PCDHGA5: variants seen among roughly 807,000 people sequenced by gnomAD.
The protein encoded by PCDHGA5 is protocadherin gamma subfamily A, 5, also known as protocadherin gamma-A5.
In PCDHGA5, 36 loss-of-function variants were observed where a neutral mutation model predicts 56.7. That is an observed-to-expected ratio of 0.64 (90% CI 0.49 to 0.84). PCDHGA5 has a LOEUF of 0.84. Among genes scored for constraint, PCDHGA5 ranks in the 40% least tolerant of loss-of-function variants. The pLI is 0.00. For missense variants in PCDHGA5, 1,305 were observed against 1,201.5 expected, an observed-to-expected ratio of 1.09 and a Z score of -1.27; for synonymous variants, 563 against 520.2, an observed-to-expected ratio of 1.08 and a Z score of -1.12.
Position 141,365,783 on chromosome 5 carries a change from G to T in PCDHGA5, c.1453G>T (p.Ala485Ser), listed in dbSNP as rs906678928. 8 of 1,613,842 alleles carry T rather than the reference G, an allele frequency of 5.0e-6. No individual in the cohort carries two copies. Among genetic ancestry groups the T allele is most frequent in the Non-Finnish European group, 6.8e-6 (8 of 1,179,874 alleles). Residue 485 changes from alanine to serine, a missense_variant, in exon 1 of 4, where the codon GCT (alanine) becomes TCT (serine). By Grantham distance (99) the Ala-to-Ser change is moderately conservative (BLOSUM62 1). Transcript: ENST00000518069. ...CCATGACCCCGACAGCGGCGACAAC[G>T]CTCGAGTCACCTACTCCCTGGCTGA... The part of the protein sequence containing the change: ...TAHDPDSGDN[A>S]RVTYSLAEDT...
intron 3 of PCDHGA5, among the ~76,000 whole-genome samples, chr5:141,507,590 T>C (rs531629336): frequency 1.3e-5 from 2 of 152,374 alleles, no homozygotes; most frequent in African/African-American, 4.8e-5. Context: ...AGTTGGCCTC[T>C]TGAGGGAAAT....
chr5:141,399,546 G>T, intron 1 of PCDHGA5: 1 of 1,614,032 alleles, frequency 6.2e-7, no homozygotes. Flanking sequence ...TCTGCGCCTC[G>T]GACCTGGACT....
intron 1 of PCDHGA5, chr5:141,430,441 C>A (rs1168234012): frequency 5.2e-6 from 1 of 192,346 alleles, no homozygotes; most frequent in Non-Finnish European, 1.0e-5. Flanking sequence ...GATTTCCATC[C>A]CCTTTTGAAG....
chr5:141,415,048 G>C lies in PCDHGA5; in HGVS notation c.2421+48297G>C, dbSNP rs535976406. The C allele has an allele frequency of 5.0e-5, 80 of 1,613,320 alleles. 1 individual carries two copies. The Admixed American group carries it at 6.0e-4, about 12-fold the overall frequency. ...CGAGCCGGGACTCTTCGCGGTGGGG[G>C]AGCACACGGGCGAGGTGCGCACGGC... is the stretch of plus-strand genomic sequence containing the variant. On this transcript the variant is annotated intron_variant, in intron 1 of 3. Transcript: ENST00000518069.
At position 141,409,469 on chromosome 5, in the gene PCDHGA5, G is replaced by A. The variant is rs1477896340; in HGVS notation, c.2421+42718G>A. On this transcript the variant is annotated intron_variant, in intron 1 of 3. Coordinates refer to ENST00000518069, the MANE Select transcript of PCDHGA5 (RefSeq NM_018918.3). ...GACACCAGAATACAATGTCACCATC[G>A]TAGCCACTGACAGGGGCAAGCCGCC... 9 of 1,613,740 alleles carry A rather than the reference G, an allele frequency of 5.6e-6. No individual in the cohort carries two copies. The African/African-American group carries it at 1.1e-4, about 19-fold the overall frequency.
intron 1 of PCDHGA5, chr5:141,478,131 A>G (rs747801474): frequency 6.2e-7 from 1 of 1,614,064 alleles, no homozygotes; most frequent in Non-Finnish European, 8.5e-7. Flanking sequence ...GACTCTCCTG[A>G]AGCCCGAGCC....
chr5:141,366,144 C>A lies in PCDHGA5; in HGVS notation c.1814C>A (p.Ser605Tyr). ...GATTCAGGCCAGAACGCCTGGCTGT[C>A]CTACCGCCTGCTTAAGGCCAGCGAG... Reference protein sequence around the residue: ...DKDSGQNAWLSYRLLKASEPG... With the variant: ...DKDSGQNAWLYYRLLKASEPG... Residue 605 changes from serine (S) to tyrosine (Y), a missense_variant, in exon 1 of 4, where the codon TCC becomes TAC. Coordinates refer to ENST00000518069, the MANE Select transcript of PCDHGA5 (RefSeq NM_018918.3). 1 of 1,614,182 alleles carries A rather than the reference C, an allele frequency of 6.2e-7. No homozygotes were observed. The highest frequency in any genetic ancestry group is 1.1e-5 in the South Asian group (1 of 91,088).
At chr5:141,390,466 G>C (rs753916175) in intron 1 of PCDHGA5, 7 of 711,916 alleles carry the variant, frequency 9.8e-6, no homozygotes, top group Admixed American at 3.0e-5. Context: ...AGGAGCAATT[G>C]TGTGGCCCAA....
intron 1 of PCDHGA5, among the ~76,000 whole-genome samples, chr5:141,397,615 C>A (rs2093545668): frequency 6.6e-6 from 1 of 152,144 alleles, no homozygotes; most frequent in Admixed American, 6.5e-5. Context: ...AAGGGCAATA[C>A]TTAGTTCTAG....
intron 1 of PCDHGA5, chr5:141,372,185 C>T: frequency 6.2e-7 from 1 of 1,613,630 alleles, no homozygotes; most frequent in Non-Finnish European, 8.5e-7. Context: ...TGGACGCAGA[C>T]TCGGGATACA....
At chr5:141,428,020 C>A (rs1443722620) in intron 1 of PCDHGA5, 1 of 1,605,408 alleles carries the variant, frequency 6.2e-7, no homozygotes, top group Admixed American at 1.7e-5. Context: ...GTGCCACGCG[C>A]CGCAGAGTCC....
intron 1 of PCDHGA5, among the ~76,000 whole-genome samples, chr5:141,470,528 G>A (rs1446688992): frequency 6.6e-6 from 1 of 152,140 alleles, no homozygotes; most frequent in East Asian, 1.9e-4. Context: ...ATTAAAATAT[G>A]TATCAGGTAA....
chr5:141,377,890 C>T (rs1204585448), intron 1 of PCDHGA5: 1 of 152,090 alleles, frequency 6.6e-6, no homozygotes, highest in African/African-American at 2.4e-5. Context: ...GATAGGATCC[C>T]CCTCTGTTGC....
intron 1 of PCDHGA5, chr5:141,394,936 T>G: frequency 1.2e-6 from 2 of 1,613,836 alleles, no homozygotes; most frequent in Non-Finnish European, 8.5e-7. Flanking sequence ...CTCGCCTTTG[T>G]CGCTGTGCTT....
chr5:141,375,129 T>C (rs749288394), intron 1 of PCDHGA5: 4 of 1,613,890 alleles, frequency 2.5e-6, no homozygotes, highest in Non-Finnish European at 2.5e-6. Context: ...GAAGTGGTTG[T>C]TACATCTGGA....
In PCDHGA5 at chr5:141,366,784, A is replaced by G. The variant is rs749444374; in HGVS notation, c.2421+33A>G. Reference sequence around the variant, plus strand: ...TTCTCTTTCGGTAAGGATGACCAGAACATTTTCATTTGTTTCCTTTTTCAT... The same window carrying G: ...TTCTCTTTCGGTAAGGATGACCAGAGCATTTTCATTTGTTTCCTTTTTCAT... On this transcript the variant is annotated intron_variant, in intron 1 of 3. Coordinates refer to ENST00000518069, the MANE Select transcript of PCDHGA5 (RefSeq NM_018918.3). 6 of 1,579,152 alleles carry G rather than the reference A, an allele frequency of 3.8e-6. No homozygotes were observed. The South Asian group carries it at 6.9e-5, about 18-fold the overall frequency.
chr5:141,490,736 A>G lies in PCDHGA5; in HGVS notation c.2422-4071A>G, dbSNP rs747567176. The G allele has an allele frequency of 5.0e-6, 8 of 1,614,084 alleles. No individual in the cohort carries two copies. Among genetic ancestry groups the G allele is most frequent in the Non-Finnish European group, 6.8e-6 (8 of 1,180,034 alleles). On this transcript the variant is annotated intron_variant, in intron 1 of 3. Transcript: ENST00000518069. This position sits in a 1 kb window ranked among gnomAD's most constrained non-coding sequence, Gnocchi z 5.4. The stretch of plus-strand genomic sequence containing the variant: ...TACTCCATTGTAGGAAATCAGGTTC[A>G]GGGAGCCCCAGCCTCCTCCTTTGTG...
intron 1 of PCDHGA5, among the ~76,000 whole-genome samples, chr5:141,387,466 C>G (rs1589036513): frequency 6.6e-6 from 1 of 152,194 alleles, no homozygotes; most frequent in Non-Finnish European, 1.5e-5. Context: ...TAAAAATCCT[C>G]AAAGTTGGGA....
At chr5:141,400,339 A>G in intron 1 of PCDHGA5, 1 of 1,613,986 alleles carries the variant, frequency 6.2e-7, no homozygotes. Flanking sequence ...GGTTCCCCCC[A>G]ACTACAGTCA....
Sources: allele counts gnomAD v4.1 joint callset (sites outside exome capture counted in the v4.1 genomes callset), GRCh38; gene constraint gnomAD v4.1.1; non-coding constraint Gnocchi (gnomAD v3.1); transcripts MANE v1.5; gene names NCBI Gene and HGNC (gene_info 2026-07-23, HGNC 2026-07-21).